The following CCDC60 variants were observed in gnomAD, a reference collection of about 807,000 sequenced individuals.
CCDC60 encodes coiled-coil domain containing 60, also known as coiled-coil domain-containing protein 60.
Under a neutral mutation model 63.5 loss-of-function variants are expected in CCDC60, and 54 were observed. The ratio of observed to expected loss-of-function variants is 0.85; its 90% CI spans 0.68 to 1.07. CCDC60 has a LOEUF of 1.07. Ranked by LOEUF, CCDC60 falls within the 50% of genes least tolerant of loss-of-function variation. The probability of loss-of-function intolerance (pLI) is 0.00; values close to 1 mark genes in which losing one functional copy is unlikely to be tolerated. For missense variants in CCDC60, 651 were observed against 684.3 expected (o/e 0.95, Z 0.54); for synonymous variants, 206 against 238.8 (o/e 0.86, Z 1.27).
chr12:119,516,567 C>A, intron 7 of CCDC60, 56 bp from the exon 8 acceptor site: 3 of 1,282,804 alleles, frequency 2.3e-6, no homozygotes, highest in Non-Finnish European at 3.4e-6. Flanking sequence ...CTGTTCTGCA[C>A]AATCCTGTCT....
chr12:119,351,293 T>C (rs1284031192), intron 1 of CCDC60, among the ~76,000 whole-genome samples: 1 of 152,224 alleles, frequency 6.6e-6, no homozygotes, highest in Non-Finnish European at 1.5e-5. Flanking sequence ...TGAAGATGCC[T>C]TCAGGGTGGT....
rs201616153 is a variant in CCDC60, at chr12:119,536,617, C to T, written c.1552-3997C>T. Among the ~76,000 whole-genome samples the T allele has an allele frequency of 5.9e-5, 9 of 152,068 alleles. No homozygotes were observed. The East Asian group carries it at 1.7e-3, about 29-fold the overall frequency. On this transcript the variant is annotated intron_variant, in intron 13 of 13. Coordinates refer to ENST00000327554, the MANE Select transcript of CCDC60 (RefSeq NM_178499.5). ...TGTTGTAAGGCAGGCCTGGTGGTGACAAAAATCTCTCACCATTTGCTTGTC... is the reference window on the plus strand; with the variant it reads ...TGTTGTAAGGCAGGCCTGGTGGTGATAAAAATCTCTCACCATTTGCTTGTC...
chr12:119,505,721 T>C (rs1468817068), intron 7 of CCDC60, among the ~76,000 whole-genome samples: 2 of 152,124 alleles, frequency 1.3e-5, no homozygotes, highest in African/African-American at 4.8e-5. Context: ...CTGGGCGTGA[T>C]GGCACACATC....
chr12:119,488,917 G>A (rs751790886), intron 5 of CCDC60, 51 bp downstream of exon 5: 1 of 1,432,616 alleles, frequency 7.0e-7, no homozygotes, highest in Non-Finnish European at 9.9e-7. Flanking sequence ...GCTGGGCAGT[G>A]GGGAAGAGAT....
At chr12:119,336,037 T>A (rs1955467327) in intron 1 of CCDC60, among the ~76,000 whole-genome samples, 1 of 136,202 alleles carries the variant, frequency 7.3e-6, no homozygotes, top group African/African-American at 2.8e-5. Flanking sequence ...AGGTGGGAAT[T>A]GAACAATGAG....
intron 8 of CCDC60, among the ~76,000 whole-genome samples, chr12:119,519,765 T>C (rs1952464098): frequency 6.6e-6 from 1 of 151,724 alleles, no homozygotes; most frequent in Non-Finnish European, 1.5e-5. Context: ...GCCTGGCCAG[T>C]AGCTATATTT....
chr12:119,477,948 GAA>G (rs1404858376), intron 3 of CCDC60, among the ~76,000 whole-genome samples: 1 of 151,770 alleles, frequency 6.6e-6, no homozygotes, highest in African/African-American at 2.4e-5. Flanking sequence ...GAGAGAGAGA[GAA>G]AGAGAGAGAA....
chr12:119,475,574 C>T (rs1047316303), intron 3 of CCDC60, among the ~76,000 whole-genome samples: 6 of 152,086 alleles, frequency 3.9e-5, no homozygotes, highest in Middle Eastern at 3.2e-3. Context: ...ATCAAATGCG[C>T]GGGTGGGAGG....
rs1393721475 is a variant in CCDC60, at chr12:119,410,844, G to A, written c.91-17839G>A. ...TGCAGCCTCTGCCTCCCCAGCTCAA[G>A]CAATTCTCCTGCCTCAGCCTTCTGA... On this transcript the variant is annotated intron_variant, in intron 1 of 13. Coordinates refer to ENST00000327554, the MANE Select transcript of CCDC60 (RefSeq NM_178499.5). This position sits in a 1 kb window ranked among gnomAD's most constrained non-coding sequence, Gnocchi z 4.0. 6.6e-6 allele frequency among the ~76,000 whole-genome samples: 1 copy of A among 152,140 alleles called. No homozygotes were observed. The highest frequency in any genetic ancestry group is 1.9e-4 in the East Asian group (1 of 5,178).
At chr12:119,404,265 G>T (rs1052243990) in intron 1 of CCDC60, among the ~76,000 whole-genome samples, 21 of 152,202 alleles carry the variant, frequency 1.4e-4, no homozygotes, top group African/African-American at 4.8e-4. Context: ...ACTCCAGCCT[G>T]GTTGACAGAG....
chr12:119,438,482 C>G (rs916142724), intron 2 of CCDC60, among the ~76,000 whole-genome samples: 3 of 152,190 alleles, frequency 2.0e-5, no homozygotes, highest in Non-Finnish European at 4.4e-5. Context: ...TTGGAGTCAG[C>G]TGTGGGTTCA....
At chr12:119,483,250 C>A (rs1951364853) in intron 4 of CCDC60, among the ~76,000 whole-genome samples, 2 of 152,236 alleles carry the variant, frequency 1.3e-5, no homozygotes, top group Admixed American at 1.3e-4. Context: ...TACCAAAAGG[C>A]ACCAGGGCTG....
chr12:119,440,404 C>T (rs1047926233), intron 2 of CCDC60, among the ~76,000 whole-genome samples: 7 of 151,982 alleles, frequency 4.6e-5, no homozygotes, highest in African/African-American at 1.7e-4. Flanking sequence ...GTGGCGGGCA[C>T]CTGTAGTCCC....
intron 2 of CCDC60, among the ~76,000 whole-genome samples, chr12:119,434,953 A>G (rs1247272638): frequency 6.6e-6 from 1 of 152,212 alleles, no homozygotes; most frequent in Admixed American, 6.5e-5. Context: ...TGATTTTTTA[A>G]AAGAGCATCA....
intron 1 of CCDC60, among the ~76,000 whole-genome samples, chr12:119,363,731 T>C (rs1014013008): frequency 1.1e-4 from 17 of 152,162 alleles, no homozygotes; most frequent in South Asian, 1.0e-3. Context: ...TAGTATTTCT[T>C]GTAGTGCAGA....
chr12:119,428,871 A>G, intron 2 of CCDC60, 109 bp downstream of exon 2: 1 of 684,208 alleles, frequency 1.5e-6, no homozygotes, highest in East Asian at 2.8e-5. Context: ...CCAATTCTGA[A>G]CACTAAGCAG....
chr12:119,473,322 G>C (rs1424834092), intron 3 of CCDC60, among the ~76,000 whole-genome samples: 1 of 152,226 alleles, frequency 6.6e-6, no homozygotes, highest in Non-Finnish European at 1.5e-5. Context: ...GCCTGCAGCT[G>C]TAGCCACTCT....
chr12:119,534,033 G>T (rs1952932508), intron 13 of CCDC60, among the ~76,000 whole-genome samples: 1 of 152,136 alleles, frequency 6.6e-6, no homozygotes, highest in Admixed American at 6.5e-5. Flanking sequence ...TCACAATATT[G>T]ATTCTTCCTA....
intron 1 of CCDC60, among the ~76,000 whole-genome samples, chr12:119,360,803 G>A (rs1282959006): frequency 3.3e-5 from 5 of 152,276 alleles, no homozygotes; most frequent in South Asian, 2.1e-4. Context: ...GGTGGAGGTT[G>A]TAGCGAGCCG....
Sources: gnomAD v4.1 joint callset for allele counts (sites outside exome capture counted in the v4.1 genomes callset) on GRCh38, gnomAD v4.1.1 for gene constraint, Gnocchi (gnomAD v3.1) non-coding constraint, MANE v1.5 for transcripts, NCBI Gene and HGNC (gene_info 2026-07-23, HGNC 2026-07-21) for gene names.